GSK3B: variants seen among roughly 807,000 people sequenced by gnomAD.
GSK3B encodes glycogen synthase kinase-3 beta.
Under a neutral mutation model 56.4 loss-of-function variants are expected in GSK3B, and 15 were observed. The ratio of observed to expected loss-of-function variants is 0.27; its 90% CI spans 0.18 to 0.41. The LOEUF is 0.41. GSK3B is among the 10% of genes least tolerant of loss of function. The pLI is 1.00. For synonymous variants in GSK3B, 181 were observed against 188.9 expected (o/e 0.96, Z 0.34); for missense variants, 300 against 513.4 (o/e 0.58, Z 4.02).
intron 1 of GSK3B, among the ~76,000 whole-genome samples, chr3:120,041,881 C>T (rs1450246198): frequency 6.6e-6 from 1 of 152,208 alleles, no homozygotes; most frequent in Non-Finnish European, 1.5e-5. Context: ...TCTGCCCAAA[C>T]TTGTGAATTG....
chr3:119,975,980 A>T (rs2057405372), intron 2 of GSK3B, among the ~76,000 whole-genome samples: 1 of 152,244 alleles, frequency 6.6e-6, no homozygotes, highest in Non-Finnish European at 1.5e-5. Flanking sequence ...GAAAAGATAT[A>T]GAACAGCAGA....
At chr3:119,894,147 G>A (rs1350760372) in intron 7 of GSK3B, among the ~76,000 whole-genome samples, 2 of 151,964 alleles carry the variant, frequency 1.3e-5, no homozygotes, top group African/African-American at 2.4e-5. Context: ...GTGGCCTTTC[G>A]TGTGTGACAT....
intron 5 of GSK3B, 37 bp downstream of exon 5, chr3:119,916,007 G>T (rs1029411011): frequency 6.6e-6 from 10 of 1,504,222 alleles, no homozygotes; most frequent in Non-Finnish European, 8.3e-6. Context: ...GGGAGGAGGG[G>T]AAAAGGGAAG....
At chr3:119,924,676 CT>C (rs578017022) in intron 3 of GSK3B, among the ~76,000 whole-genome samples, 51 of 152,204 alleles carry the variant, frequency 3.4e-4, no homozygotes, top group Non-Finnish European at 6.3e-4. Flanking sequence ...CTCTTCCCTT[CT>C]TAGCCTGCTT....
At chr3:119,958,011 C>T (rs1446022391) in intron 2 of GSK3B, among the ~76,000 whole-genome samples, 1 of 152,126 alleles carries the variant, frequency 6.6e-6, no homozygotes, top group Non-Finnish European at 1.5e-5. Flanking sequence ...TCCCCACGTG[C>T]TGAGGCGAGG....
At position 119,908,490 on chromosome 3, in the gene GSK3B, C is replaced by A. The variant is rs527703133; in HGVS notation, c.716-2638G>T. The stretch of plus-strand genomic sequence containing the variant: ...CTAACATTTTATTTAAGCCTCACAG[C>A]CACTCAGAAAAGAACTGTCAGTAAT... On this transcript the variant is annotated intron_variant, in intron 6 of 10. Coordinates refer to ENST00000264235, the MANE Select transcript of GSK3B (RefSeq NM_001146156.2). 8.5e-5 allele frequency among the ~76,000 whole-genome samples: 13 copies of A among 152,298 alleles called. No individual in the cohort carries two copies. In the South Asian group the frequency reaches 2.7e-3, roughly 32 times the overall value.
At chr3:120,041,153 G>T in intron 1 of GSK3B, 1 of 170,800 alleles carries the variant, frequency 5.9e-6, no homozygotes, top group South Asian at 1.3e-4. Flanking sequence ...AAAACATGCA[G>T]ACCAGGCCAC....
intron 1 of GSK3B, among the ~76,000 whole-genome samples, chr3:120,012,098 C>T (rs1230376784): frequency 6.6e-6 from 1 of 152,196 alleles, no homozygotes; most frequent in African/African-American, 2.4e-5. Context: ...CAACCATGTA[C>T]TCCTTAATAT....
chr3:119,872,622 T>C (rs1397929966), intron 8 of GSK3B, among the ~76,000 whole-genome samples: 1 of 152,122 alleles, frequency 6.6e-6, no homozygotes, highest in Non-Finnish European at 1.5e-5. Flanking sequence ...AATTCTATGA[T>C]ATGATGGTGG....
intron 3 of GSK3B, among the ~76,000 whole-genome samples, chr3:119,940,110 T>TTG (rs56939160): frequency 0.018 from 2,749 of 149,022 alleles, 29 homozygotes; most frequent in South Asian, 0.042. Context: ...GTGTGTGTGT[T>TTG]TGTGTGTGTG....
intron 9 of GSK3B, among the ~76,000 whole-genome samples, chr3:119,861,656 A>G (rs1253792015): frequency 6.6e-6 from 1 of 152,214 alleles, no homozygotes; most frequent in Non-Finnish European, 1.5e-5. Context: ...ATTTACAAAG[A>G]CCGTGAGAAA....
chr3:120,031,797 G>A (rs1461744731), intron 1 of GSK3B, among the ~76,000 whole-genome samples: 1 of 152,222 alleles, frequency 6.6e-6, no homozygotes, highest in Non-Finnish European at 1.5e-5. Flanking sequence ...TCCATGAGGA[G>A]ATAAGACATA....
intron 9 of GSK3B, among the ~76,000 whole-genome samples, chr3:119,846,648 G>T (rs1559805869): frequency 6.6e-6 from 1 of 152,190 alleles, no homozygotes. Flanking sequence ...AACAGATGCT[G>T]GAGAGGATGT....
At chr3:119,895,794 T>C (rs1182162987) in intron 7 of GSK3B, among the ~76,000 whole-genome samples, 1 of 152,112 alleles carries the variant, frequency 6.6e-6, no homozygotes, top group African/African-American at 2.4e-5. Context: ...AGTAATACAT[T>C]GTCTTGATTA....
At chr3:120,047,499 A>G (rs2058113669) in intron 1 of GSK3B, among the ~76,000 whole-genome samples, 1 of 152,210 alleles carries the variant, frequency 6.6e-6, no homozygotes, top group Admixed American at 6.5e-5. Flanking sequence ...GTCTCACACT[A>G]AATATCAAAA....
At chr3:120,025,116 T>C (rs1371902232) in intron 1 of GSK3B, among the ~76,000 whole-genome samples, 1 of 152,110 alleles carries the variant, frequency 6.6e-6, no homozygotes, top group African/African-American at 2.4e-5. Context: ...CCCAGTACTT[T>C]GGGAGACGGA....
chr3:120,000,124 G>C (rs1425288891), intron 2 of GSK3B, among the ~76,000 whole-genome samples: 2 of 152,178 alleles, frequency 1.3e-5, no homozygotes, highest in Admixed American at 6.6e-5. Context: ...AAGAGACACA[G>C]CCACAAGGCA....
chr3:120,085,962 A>T (rs1162245998), intron 1 of GSK3B, among the ~76,000 whole-genome samples: 1 of 152,194 alleles, frequency 6.6e-6, no homozygotes, highest in African/African-American at 2.4e-5. Flanking sequence ...TCAGACCTCC[A>T]AAAGAAAAAC....
chr3:120,064,834 C>CA (rs1338285336), intron 1 of GSK3B, among the ~76,000 whole-genome samples: 6 of 152,066 alleles, frequency 3.9e-5, no homozygotes, highest in Non-Finnish European at 7.4e-5. Context: ...ACTGTGCATC[C>CA]AAAAATAAAC....
Sources: gnomAD v4.1 joint callset for allele counts (sites outside exome capture counted in the v4.1 genomes callset) on GRCh38, gnomAD v4.1.1 for gene constraint, MANE v1.5 for transcripts, NCBI Gene and HGNC (gene_info 2026-07-23, HGNC 2026-07-21) for gene names.